Variants in DNAH8 observed in about 807,000 individuals in gnomAD.
DNAH8 encodes dynein axonemal heavy chain 8.
A neutral mutation model predicts 562.1 loss-of-function variants in DNAH8; 382 were observed. The ratio of observed to expected loss-of-function variants is 0.68; its 90% CI spans 0.63 to 0.74. The LOEUF (loss-of-function observed/expected upper bound fraction) is 0.74, where lower values mean the gene tolerates loss of function less well. DNAH8 is among the 30% of genes least tolerant of loss of function. The pLI is 0.00. For missense variants in DNAH8, 5,203 were observed against 5,620.4 expected, an observed-to-expected ratio of 0.93 and a Z score of 2.37; for synonymous variants, 1,881 against 1,919.4, an observed-to-expected ratio of 0.98 and a Z score of 0.52.
At chr6:38,875,557 A>T in intron 52 of DNAH8, 34 bp from the exon 53 acceptor site, 1 of 1,277,806 alleles carries the variant, frequency 7.8e-7, no homozygotes, top group Non-Finnish European at 1.1e-6. Context: ...CAAAATTTTA[A>T]TTTAAAAATT....
intron 91 of DNAH8, among the ~76,000 whole-genome samples, chr6:39,012,891 A>C (rs1030815581): frequency 1.1e-4 from 17 of 152,088 alleles, no homozygotes; most frequent in African/African-American, 3.9e-4. Context: ...AACTTCAGCA[A>C]ACCATCAGTC....
chr6:38,968,492 C>T (rs1236252366), intron 82 of DNAH8, among the ~76,000 whole-genome samples: 2 of 152,026 alleles, frequency 1.3e-5, no homozygotes, highest in Non-Finnish European at 2.9e-5. Flanking sequence ...GATATTTCTA[C>T]AAGGAAGATG....
At chr6:38,889,286 T>G (rs1029966268) in intron 57 of DNAH8, among the ~76,000 whole-genome samples, 1 of 152,132 alleles carries the variant, frequency 6.6e-6, no homozygotes, top group African/African-American at 2.4e-5. Flanking sequence ...AGGAAAAATA[T>G]AATTCCATTA....
In DNAH8 at chr6:38,866,781, G is replaced by A; in HGVS notation, c.6598G>A (p.Val2200Ile). 3.1e-6 allele frequency: 5 copies of A among 1,611,872 alleles called. No individual in the cohort carries two copies. Among genetic ancestry groups the A allele is most frequent in the Non-Finnish European group, 4.2e-6 (5 of 1,178,796 alleles). Residue 2200 changes from valine (V) to isoleucine (I), a missense_variant, in exon 47 of 93, where the codon GTT (valine) becomes ATT (isoleucine). Transcript: ENST00000327475. ...MVPDRQIIMR[V>I]KLASCGFLEN... is the part of the protein sequence containing the mutation. Reference sequence around the variant, plus strand: ...TATTAATTTTCAGATCATTATGAGAGTTAAACTTGCAAGCTGTGGTTTTCT... The same window carrying A: ...TATTAATTTTCAGATCATTATGAGAATTAAACTTGCAAGCTGTGGTTTTCT...
chr6:38,816,904 T>A (rs145230237), intron 26 of DNAH8, among the ~76,000 whole-genome samples: 255 of 152,330 alleles, frequency 1.7e-3, no homozygotes, highest in Non-Finnish European at 3.1e-3. Flanking sequence ...AAGTGTCTAT[T>A]CATGTCCTTT....
chr6:38,917,444 A>C, intron 69 of DNAH8, 38 bp downstream of exon 69: 1 of 1,572,630 alleles, frequency 6.4e-7, no homozygotes, highest in Non-Finnish European at 8.7e-7. Context: ...TATGAGCTGC[A>C]TCAGGCGTCC....
chr6:38,873,091 A>G lies in DNAH8; in HGVS notation c.7423A>G (p.Arg2475Gly). Residue 2475 changes from arginine (R) to glycine (G), a missense_variant, in exon 51 of 93, where the codon AGG becomes GGG. Coordinates refer to ENST00000327475, the MANE Select transcript of DNAH8 (RefSeq NM_001206927.2). ...IENASPATVSRMGMVYISSSA... is the reference protein window; with the variant it reads ...IENASPATVSGMGMVYISSSA... Reference sequence around the variant, plus strand: ...GAACGCCTCTCCTGCCACGGTTTCTAGGATGGGCATGGTCTATATCAGCAG... The same window carrying G: ...GAACGCCTCTCCTGCCACGGTTTCTGGGATGGGCATGGTCTATATCAGCAG... 1 of 1,614,016 alleles carries G rather than the reference A, an allele frequency of 6.2e-7. No homozygotes were observed. The highest frequency in any genetic ancestry group is 1.1e-5 in the South Asian group (1 of 91,082).
At position 38,929,455 on chromosome 6, in the gene DNAH8, T is replaced by C; in HGVS notation, c.11119-56T>C. On this transcript the variant is annotated intron_variant, in intron 74 of 92. Transcript: ENST00000327475. ...GTCCAACAAATCTCTCGGTTTCCCT[T>C]AGCAATGGGCACATTCTTTGTAACA... is the stretch of plus-strand genomic sequence containing the variant. 2 of 1,448,280 alleles carry C rather than the reference T, an allele frequency of 1.4e-6. 1 individual carries two copies. The highest frequency in any genetic ancestry group is 3.3e-5 in the South Asian group (2 of 61,240). The allele number at this position is 1,448,280 out of a possible 1,614,324, so 89.7% of individuals were successfully genotyped here.
At chr6:39,018,418 A>G (rs1017082388) in intron 91 of DNAH8, among the ~76,000 whole-genome samples, 2 of 152,100 alleles carry the variant, frequency 1.3e-5, no homozygotes, top group African/African-American at 2.4e-5. Flanking sequence ...GTTTCCATCC[A>G]TGCCCCTCCT....
chr6:38,783,978 C>T (rs1768901881), intron 17 of DNAH8, among the ~76,000 whole-genome samples: 1 of 152,144 alleles, frequency 6.6e-6, no homozygotes, highest in African/African-American at 2.4e-5. Context: ...TGAGAGGAGT[C>T]ACTCCTACTT....
chr6:39,025,662 T>C (rs537515410), intron 91 of DNAH8, among the ~76,000 whole-genome samples: 1 of 152,318 alleles, frequency 6.6e-6, no homozygotes, highest in South Asian at 2.1e-4. Context: ...TTTTGTGTTG[T>C]TTTGTGCATA....
chr6:38,840,889 G>A (rs942353831), intron 33 of DNAH8, among the ~76,000 whole-genome samples: 2 of 152,074 alleles, frequency 1.3e-5, no homozygotes, highest in Admixed American at 6.6e-5. Context: ...TAAGAAGCCT[G>A]GAGGATGATG....
intron 85 of DNAH8, among the ~76,000 whole-genome samples, chr6:38,981,822 T>TCTAAGATGTTTGCGTGAGGAAATTGC: frequency 6.6e-6 from 1 of 152,370 alleles, no homozygotes; most frequent in East Asian, 1.9e-4. Context: ...TGGAGATTTC[T>TCTAAGATGTTTGCGTGAGGAAATTGC]TTATATAAAC....
intron 36 of DNAH8, among the ~76,000 whole-genome samples, chr6:38,848,118 G>C (rs1042709470): frequency 2.0e-5 from 3 of 152,124 alleles, no homozygotes; most frequent in African/African-American, 7.2e-5. Flanking sequence ...ACCCTCTCCT[G>C]ATCTTTAGGG....
intron 8 of DNAH8, among the ~76,000 whole-genome samples, chr6:38,743,033 T>A (rs1429780911): frequency 1.3e-4 from 18 of 139,162 alleles, no homozygotes; most frequent in South Asian, 2.5e-4. Flanking sequence ...TTTTTTTTTT[T>A]TAAAGACAGA....
intron 5 of DNAH8, 28 bp downstream of exon 5, chr6:38,734,653 T>G: frequency 6.2e-7 from 1 of 1,601,690 alleles, no homozygotes; most frequent in Non-Finnish European, 8.5e-7. Flanking sequence ...CCCAAATACA[T>G]AGTTAAACAT....
chr6:38,752,189 A>G (rs908281336), intron 9 of DNAH8, among the ~76,000 whole-genome samples: 8 of 149,192 alleles, frequency 5.4e-5, no homozygotes, highest in Non-Finnish European at 3.0e-5. Flanking sequence ...CCCGGGATGG[A>G]GTCTCTCTCT....
At chr6:38,779,365 C>T (rs1480585669) in intron 14 of DNAH8, among the ~76,000 whole-genome samples, 1 of 152,122 alleles carries the variant, frequency 6.6e-6, no homozygotes, top group Non-Finnish European at 1.5e-5. Flanking sequence ...GTCTCTGTCT[C>T]TCTATTTCTC....
At position 39,012,461 on chromosome 6, in the gene DNAH8, C is replaced by G; in HGVS notation, c.13538C>G (p.Ala4513Gly). The change falls in exon 91 of 93, where the codon GCT becomes GGT. Residue 4513 changes from alanine (A) to glycine (G), a missense_variant. Ala to Gly is a moderately conservative substitution (Grantham distance 60). Coordinates refer to ENST00000327475, the MANE Select transcript of DNAH8 (RefSeq NM_001206927.2). ...TTTCTTCTCCAGAATCTGAGAGATGCTCTGGACAACATGTATGATGCTCGT... is the reference window on the plus strand; with the variant it reads ...TTTCTTCTCCAGAATCTGAGAGATGGTCTGGACAACATGTATGATGCTCGT... The part of the protein sequence containing the change: ...TIIMSENLRD[A>G]LDNMYDARIP... The G allele has an allele frequency of 6.2e-7, 1 of 1,613,614 alleles. No individual in the cohort carries two copies. The highest frequency in any genetic ancestry group is 8.5e-7 in the Non-Finnish European group (1 of 1,179,584).
Sources: gnomAD v4.1 joint callset for allele counts (sites outside exome capture counted in the v4.1 genomes callset) on GRCh38, gnomAD v4.1.1 for gene constraint, MANE v1.5 for transcripts, NCBI Gene and HGNC (gene_info 2026-07-23, HGNC 2026-07-21) for gene names.